EPB41L3: variants seen among roughly 807,000 people sequenced by gnomAD.
EPB41L3 encodes erythrocyte membrane protein band 4.1 like 3, also known as band 4.1-like protein 3.
EPB41L3 carries 57 observed loss-of-function variants against 127.1 expected under a neutral mutation model. That is an observed-to-expected ratio of 0.45 (90% confidence interval 0.36 to 0.56). The LOEUF is 0.56. Ranked by LOEUF, EPB41L3 falls within the 20% of genes least tolerant of loss-of-function variation. The pLI, the probability that EPB41L3 is intolerant of heterozygous loss-of-function variation, is 0.00. For missense variants in EPB41L3, 1,273 were observed against 1,372.2 expected, an observed-to-expected ratio of 0.93 and a Z score of 1.14; for synonymous variants, 572 against 549.5, an observed-to-expected ratio of 1.04 and a Z score of -0.57.
chr18:5,500,315 AT>A (rs1490093154), intron 1 of EPB41L3, among the ~76,000 whole-genome samples: 2 of 152,166 alleles, frequency 1.3e-5, no homozygotes, highest in African/African-American at 4.8e-5. Context: ...TCAGGAGCAT[AT>A]TTTTCTATTC....
intron 1 of EPB41L3, among the ~76,000 whole-genome samples, chr18:5,615,406 T>C (rs756212364): frequency 4.6e-5 from 7 of 152,008 alleles, no homozygotes; most frequent in Non-Finnish European, 7.4e-5. Context: ...ATAGAAGATG[T>C]ACACATTTAC....
chr18:5,540,715 C>T (rs574169642), intron 1 of EPB41L3, among the ~76,000 whole-genome samples: 2 of 152,234 alleles, frequency 1.3e-5, no homozygotes, highest in South Asian at 4.1e-4. Flanking sequence ...AATGGTGAGT[C>T]TATATTTCAC....
intron 1 of EPB41L3, among the ~76,000 whole-genome samples, chr18:5,513,109 T>C (rs1350639441): frequency 1.3e-5 from 2 of 152,206 alleles, no homozygotes; most frequent in East Asian, 3.9e-4. Context: ...GTTTTTCTGA[T>C]TCTCCTCTTT....
chr18:5,609,176 G>T (rs1255719431), intron 3 of EPB41L3, among the ~76,000 whole-genome samples: 1 of 152,178 alleles, frequency 6.6e-6, no homozygotes, highest in Non-Finnish European at 1.5e-5. Flanking sequence ...GGATGAAACT[G>T]TAACTGATAA....
chr18:5,600,688 A>G (rs1348993607), intron 3 of EPB41L3, among the ~76,000 whole-genome samples: 4 of 152,198 alleles, frequency 2.6e-5, no homozygotes, highest in African/African-American at 9.6e-5. Context: ...TTAAAAATAT[A>G]TCCTTAAAAT....
At chr18:5,563,547 G>A (rs1708158266) in intron 3 of EPB41L3, among the ~76,000 whole-genome samples, 1 of 152,144 alleles carries the variant, frequency 6.6e-6, no homozygotes, top group South Asian at 2.1e-4. Context: ...GGAATATGCA[G>A]GAGGAAAAAA....
intron 3 of EPB41L3, among the ~76,000 whole-genome samples, chr18:5,554,886 T>A (rs2094012606): frequency 6.6e-6 from 1 of 152,210 alleles, no homozygotes; most frequent in Non-Finnish European, 1.5e-5. Context: ...ATTTCTCATA[T>A]CAATGGTTGC....
upstream of EPB41L3, among the ~76,000 whole-genome samples, chr18:5,630,000 C>T (rs2094974092): frequency 6.6e-6 from 1 of 152,202 alleles, no homozygotes; most frequent in Admixed American, 6.5e-5. Flanking sequence ...CTCCGAGGAA[C>T]CGAAGACTGG....
chr18:5,535,114 G>C (rs2093531488), intron 1 of EPB41L3, among the ~76,000 whole-genome samples: 1 of 152,102 alleles, frequency 6.6e-6, no homozygotes, highest in South Asian at 2.1e-4. Flanking sequence ...CACACGTGAG[G>C]GATCTAGGTT....
At chr18:5,399,656 T>C in intron 16 of EPB41L3, 1 of 298,988 alleles carries the variant, frequency 3.3e-6, no homozygotes. Context: ...AAGAACAGAT[T>C]TGCTCTTATG....
intron 1 of EPB41L3, among the ~76,000 whole-genome samples, chr18:5,495,307 C>T (rs2091045898): frequency 6.6e-6 from 1 of 150,628 alleles, no homozygotes; most frequent in African/African-American, 2.5e-5. Context: ...ACAATGGCCA[C>T]TGTAAATCTG....
chr18:5,569,949 G>A (rs2149249574), intron 3 of EPB41L3, among the ~76,000 whole-genome samples: 1 of 152,240 alleles, frequency 6.6e-6, no homozygotes, highest in South Asian at 2.1e-4. Context: ...TTTCTAAAAT[G>A]CACACTTCTG....
At chr18:5,497,072 G>A (rs995224192) in intron 1 of EPB41L3, among the ~76,000 whole-genome samples, 6 of 152,182 alleles carry the variant, frequency 3.9e-5, no homozygotes, top group Non-Finnish European at 7.3e-5. Flanking sequence ...ATGCAGATAC[G>A]CACAGTGGCG....
chr18:5,502,617 G>A (rs1374735429), intron 1 of EPB41L3, among the ~76,000 whole-genome samples: 2 of 152,158 alleles, frequency 1.3e-5, no homozygotes, highest in Non-Finnish European at 2.9e-5. Flanking sequence ...ATGGAACCAG[G>A]TCCAGAAGAG....
chr18:5,592,110 T>C (rs1338576797), intron 3 of EPB41L3, among the ~76,000 whole-genome samples: 1 of 152,202 alleles, frequency 6.6e-6, no homozygotes, highest in Non-Finnish European at 1.5e-5. Flanking sequence ...TAAAAAGTTA[T>C]GCTACAAAAA....
At chr18:5,420,511 C>T (rs1371416439) in intron 11 of EPB41L3, among the ~76,000 whole-genome samples, 8 of 152,138 alleles carry the variant, frequency 5.3e-5, no homozygotes, top group South Asian at 2.1e-4. Flanking sequence ...ACCTAAAGTA[C>T]AGAAATGTTT....
intron 19 of EPB41L3, among the ~76,000 whole-genome samples, 160 bp from the exon 20 acceptor site, chr18:5,395,867 G>A (rs936096116): frequency 6.6e-6 from 1 of 152,136 alleles, no homozygotes. Context: ...TAAGTACTAA[G>A]TGCAACCACA....
chr18:5,511,416 TTTTTTTG>T, intron 1 of EPB41L3, among the ~76,000 whole-genome samples: 1 of 142,554 alleles, frequency 7.0e-6, no homozygotes. Flanking sequence ...TTTTTTTTTT[TTTTTTTG>T]TATGTAGACC....
At chr18:5,400,486 G>C in intron 16 of EPB41L3, 1 of 455,774 alleles carries the variant, frequency 2.2e-6, no homozygotes, top group Non-Finnish European at 4.4e-6. Context: ...GAAATGAATT[G>C]AAAGAATAAC....
Sources: gnomAD v4.1 joint callset for allele counts (sites outside exome capture counted in the v4.1 genomes callset) on GRCh38, gnomAD v4.1.1 for gene constraint, MANE v1.5 for transcripts, NCBI Gene and HGNC (gene_info 2026-07-23, HGNC 2026-07-21) for gene names.